Variants in DGKB observed in about 807,000 individuals in gnomAD.
The protein encoded by DGKB is diacylglycerol kinase beta, also known as 90 kDa diacylglycerol kinase.
Under a neutral mutation model 114.3 loss-of-function variants are expected in DGKB, and 67 were observed. That is an observed-to-expected ratio of 0.59 (90% CI 0.48 to 0.72). The LOEUF (loss-of-function observed/expected upper bound fraction) is 0.72, where lower values mean the gene tolerates loss of function less well. Ranked by LOEUF, DGKB falls within the 30% of genes least tolerant of loss-of-function variation. The pLI is 0.00. For synonymous variants in DGKB, 398 were observed against 323.1 expected (o/e 1.23, Z -2.49); for missense variants, 907 against 975.2 (o/e 0.93, Z 0.93).
intron 2 of DGKB, among the ~76,000 whole-genome samples, chr7:14,790,567 C>T (rs10273894): frequency 0.37 from 55,562 of 151,778 alleles, 11,711 homozygotes; most frequent in African/African-American, 0.59. Context: ...TTTAAAAGGG[C>T]ATCTTTCTAA....
At chr7:14,369,682 CT>C (rs1283590792) in intron 21 of DGKB, among the ~76,000 whole-genome samples, 2 of 152,106 alleles carry the variant, frequency 1.3e-5, no homozygotes, top group Non-Finnish European at 2.9e-5. Context: ...TGATGATTAT[CT>C]TTTTTTATAT....
chr7:14,594,301 T>A (rs1173440269), intron 17 of DGKB, among the ~76,000 whole-genome samples: 1 of 152,104 alleles, frequency 6.6e-6, no homozygotes, highest in African/African-American at 2.4e-5. Flanking sequence ...AGTCCATCTC[T>A]TAAGGTATTA....
At chr7:14,444,288 T>C (rs551467278) in intron 21 of DGKB, among the ~76,000 whole-genome samples, 1 of 151,976 alleles carries the variant, frequency 6.6e-6, no homozygotes, top group African/African-American at 2.4e-5. Context: ...ATTATCTTAG[T>C]TTTATTCAGT....
At chr7:14,882,801 T>C (rs1249345044) in intron 1 of DGKB, among the ~76,000 whole-genome samples, 2 of 152,058 alleles carry the variant, frequency 1.3e-5, no homozygotes, top group Non-Finnish European at 2.9e-5. Flanking sequence ...TGGTACTACA[T>C]TGTGTATATA....
intron 2 of DGKB, among the ~76,000 whole-genome samples, chr7:14,820,725 C>T (rs1350439214): frequency 6.6e-6 from 1 of 152,110 alleles, no homozygotes; most frequent in Non-Finnish European, 1.5e-5. Flanking sequence ...GAGGATAATG[C>T]TCCTTCCTTG....
At position 14,165,221 on chromosome 7, in the gene DGKB, A is replaced by G. The variant is rs1163382217; in HGVS notation, c.2304+11618T>C. On this transcript the variant is annotated intron_variant, in intron 25 of 25. Transcript: ENST00000402815. ...GGAAAGTTGACTATTTCAGTTGCAG[A>G]TGCCAACTTTCTCAAAATAACTTTT... Among the ~76,000 whole-genome samples the G allele has an allele frequency of 2.6e-5, 4 of 152,302 alleles. No individual in the cohort carries two copies. In the South Asian group the frequency reaches 6.2e-4, roughly 24 times the overall value.
intron 23 of DGKB, among the ~76,000 whole-genome samples, chr7:14,195,705 A>G (rs961803732): frequency 6.6e-6 from 1 of 152,180 alleles, no homozygotes; most frequent in Non-Finnish European, 1.5e-5. Flanking sequence ...TTTTAGAAAC[A>G]TGGTAGTACA....
At chr7:14,168,933 G>T (rs1413627465) in intron 25 of DGKB, among the ~76,000 whole-genome samples, 1 of 152,134 alleles carries the variant, frequency 6.6e-6, no homozygotes, top group Admixed American at 6.5e-5. Flanking sequence ...TTGCCTTCCA[G>T]AAAGATTTTG....
At chr7:14,893,213 C>T (rs913996913) in intron 1 of DGKB, among the ~76,000 whole-genome samples, 1 of 151,288 alleles carries the variant, frequency 6.6e-6, no homozygotes, top group East Asian at 1.9e-4. Context: ...CACCCCTCAT[C>T]ACTCCAGCAA....
At position 14,894,727 on chromosome 7, in the gene DGKB, A is replaced by G. The variant is rs536127105; in HGVS notation, c.-188+7865T>C. On this transcript the variant is annotated intron_variant, in intron 1 of 25. Transcript: ENST00000402815. Reference sequence around the variant, plus strand: ...AGGTACCTTGGACAAAAAAAGCATTAATAGCTCTAAAACAAAATTTCCACT... The same window carrying G: ...AGGTACCTTGGACAAAAAAAGCATTGATAGCTCTAAAACAAAATTTCCACT... 3.3e-5 allele frequency among the ~76,000 whole-genome samples: 5 copies of G among 151,674 alleles called. No individual in the cohort carries two copies. The South Asian group carries it at 1.0e-3, about 31-fold the overall frequency.
At chr7:14,617,615 C>G (rs1806793535) in intron 15 of DGKB, among the ~76,000 whole-genome samples, 1 of 151,546 alleles carries the variant, frequency 6.6e-6, no homozygotes, top group Non-Finnish European at 1.5e-5. Flanking sequence ...CCACCAATAT[C>G]TTCTCATCAC....
At chr7:14,896,812 A>T (rs1006499758) in intron 1 of DGKB, among the ~76,000 whole-genome samples, 1 of 151,804 alleles carries the variant, frequency 6.6e-6, no homozygotes, top group South Asian at 2.1e-4. Context: ...GTCCTATATC[A>T]TCAAACCTAA....
intron 25 of DGKB, among the ~76,000 whole-genome samples, chr7:14,169,278 T>C (rs1268284282): frequency 6.9e-6 from 1 of 143,998 alleles, no homozygotes; most frequent in Non-Finnish European, 1.5e-5. Context: ...GGCAGGAGAA[T>C]GGCGTGAACC....
At chr7:14,208,386 G>C (rs1787178029) in intron 23 of DGKB, among the ~76,000 whole-genome samples, 1 of 152,006 alleles carries the variant, frequency 6.6e-6, no homozygotes, top group Non-Finnish European at 1.5e-5. Context: ...ACAAAGACCA[G>C]TCTAGGATAA....
rs749742612 is a variant in DGKB, at chr7:14,718,616, T to A, written c.392A>T (p.Glu131Val). ...GACAATGTCCTTCAGATGGATTACT[T>A]CTGGGGAACACGTATTTGCAGGAGA... ...TTSPANTCSPEVIHLKDIVCY... is the reference protein window; with the variant it reads ...TTSPANTCSPVVIHLKDIVCY... Residue 131 changes from glutamate (E) to valine (V), a missense_variant, in exon 6 of 26, where the codon GAA becomes GTA. This residue lies in a region of DGKB where 814 missense variants were observed against 856.6 expected (regional missense o/e 0.95). Transcript: ENST00000402815. 1 of 1,612,880 alleles carries A rather than the reference T, an allele frequency of 6.2e-7. No individual in the cohort carries two copies. Among genetic ancestry groups the A allele is most frequent in the South Asian group, 1.1e-5 (1 of 90,968 alleles).
chr7:14,443,765 G>A (rs1830378423), intron 21 of DGKB, among the ~76,000 whole-genome samples: 1 of 151,938 alleles, frequency 6.6e-6, no homozygotes, highest in South Asian at 2.1e-4. Context: ...TGTTGTTGTA[G>A]TTTTTGAGGT....
At chr7:14,426,803 C>T (rs1385124695) in intron 21 of DGKB, among the ~76,000 whole-genome samples, 1 of 151,998 alleles carries the variant, frequency 6.6e-6, no homozygotes, top group Non-Finnish European at 1.5e-5. Flanking sequence ...GCCTGTAATC[C>T]AAGCACTTTG....
intron 25 of DGKB, among the ~76,000 whole-genome samples, chr7:14,155,396 G>C (rs1782859922): frequency 6.6e-6 from 1 of 152,034 alleles, no homozygotes; most frequent in Non-Finnish European, 1.5e-5. Flanking sequence ...GTGATGGTAG[G>C]TTGTAATATG....
chr7:14,394,306 T>C (rs929560846), intron 21 of DGKB, among the ~76,000 whole-genome samples: 6 of 152,212 alleles, frequency 3.9e-5, no homozygotes, highest in African/African-American at 1.4e-4. Flanking sequence ...TAATTGCATC[T>C]CATTTTTCCT....
Sources: gnomAD v4.1 joint callset for allele counts (sites outside exome capture counted in the v4.1 genomes callset) on GRCh38, gnomAD v4.1.1 for gene constraint, gnomAD v4.1.1 regional missense constraint, MANE v1.5 for transcripts, NCBI Gene and HGNC (gene_info 2026-07-23, HGNC 2026-07-21) for gene names.